Variants in SWAP70 observed in about 807,000 individuals in gnomAD.
The protein encoded by SWAP70 is switching B cell complex subunit SWAP70, also known as switch-associated protein 70.
SWAP70 carries 34 observed loss-of-function variants against 80.2 expected under a neutral mutation model. The ratio of observed to expected loss-of-function variants is 0.42; its 90% CI spans 0.32 to 0.56. The LOEUF is 0.56. SWAP70 is among the 20% of genes least tolerant of loss of function. The pLI, the probability that SWAP70 is intolerant of heterozygous loss-of-function variation, is 0.09. For missense variants in SWAP70, 578 were observed against 690.7 expected (o/e 0.84, Z 1.83); for synonymous variants, 239 against 238.5 (o/e 1.00, Z -0.02).
chr11:9,727,842 G>T (rs532720511), intron 4 of SWAP70, among the ~76,000 whole-genome samples: 1 of 152,202 alleles, frequency 6.6e-6, no homozygotes, highest in Non-Finnish European at 1.5e-5. Context: ...TCTCTGAAGT[G>T]TCTGAAATTA....
chr11:9,743,657 T>C (rs1851472207), intron 9 of SWAP70, among the ~76,000 whole-genome samples: 1 of 151,772 alleles, frequency 6.6e-6, no homozygotes, highest in Non-Finnish European at 1.5e-5. Context: ...CCAGTGATGG[T>C]GAGCATTTTT....
intron 2 of SWAP70, among the ~76,000 whole-genome samples, chr11:9,694,819 C>T (rs1174332949): frequency 6.6e-6 from 1 of 152,150 alleles, no homozygotes; most frequent in East Asian, 1.9e-4. Context: ...TAGATGCTGG[C>T]GAGGCTGTGG....
At chr11:9,728,278 C>T in intron 5 of SWAP70, 79 bp downstream of exon 5, 1 of 1,351,272 alleles carries the variant, frequency 7.4e-7, no homozygotes, top group East Asian at 2.6e-5. Flanking sequence ...CTTCTTCCAC[C>T]TAGACTCTAG....
chr11:9,697,783 T>G lies in SWAP70; in HGVS notation c.240+3497T>G, dbSNP rs892853. ...GTGTGTGTATTTCATGTGTTATACA[T>G]GTTTTTTGGTTTTTTGAGACAATGT... is the stretch of plus-strand genomic sequence containing the variant. On this transcript the variant is annotated intron_variant, in intron 2 of 11. Coordinates refer to ENST00000318950, the MANE Select transcript of SWAP70 (RefSeq NM_015055.4). 3.2e-4 allele frequency among the ~76,000 whole-genome samples: 49 copies of G among 151,970 alleles called. 1 individual carries two copies. The highest frequency in any genetic ancestry group is 5.7e-4 in the Non-Finnish European group (39 of 67,978).
intron 1 of SWAP70, among the ~76,000 whole-genome samples, chr11:9,685,836 G>C (rs1406586205): frequency 1.3e-5 from 2 of 152,136 alleles, no homozygotes; most frequent in Non-Finnish European, 2.9e-5. Flanking sequence ...GTTTCACCAT[G>C]TTGGCCAGGA....
intron 1 of SWAP70, among the ~76,000 whole-genome samples, chr11:9,684,019 T>A (rs1850600989): frequency 6.6e-6 from 1 of 152,136 alleles, no homozygotes; most frequent in African/African-American, 2.4e-5. Context: ...TTTTTAATTT[T>A]ATTTTATATA....
In SWAP70 at chr11:9,748,031, G is replaced by C; in HGVS notation, c.1529G>C (p.Arg510Pro). ...MEQLEQLELE[R>P]KQALEQYEEV... is the part of the protein sequence containing the mutation. ...CAGCTGGAGCAGCTTGAGTTAGAAC[G>C]GAAGCAAGCACTTGAGCAGTACGAG... is the stretch of plus-strand genomic sequence containing the variant. Residue 510 changes from arginine (R) to proline (P), a missense_variant, in exon 10 of 12, where the codon CGG becomes CCG. Coordinates refer to ENST00000318950, the MANE Select transcript of SWAP70 (RefSeq NM_015055.4). 6.2e-7 allele frequency: 1 copy of C among 1,614,110 alleles called. No homozygotes were observed. Among genetic ancestry groups the C allele is most frequent in the Non-Finnish European group, 8.5e-7 (1 of 1,179,976 alleles).
intron 2 of SWAP70, among the ~76,000 whole-genome samples, chr11:9,704,534 A>G (rs1467065355): frequency 1.3e-5 from 2 of 152,108 alleles, no homozygotes; most frequent in Non-Finnish European, 2.9e-5. Flanking sequence ...AGCTGAGATT[A>G]CAGGTGCGAG....
rs1851586818 is a variant in SWAP70 at position 9,751,315 on chromosome 11, A to G, written c.*1345A>G. ...TACGTCTAACAGGGAAATTGGGATC[A>G]TAGTTTATATGCATCTGATTTGAAA... On this transcript the variant is annotated 3_prime_UTR_variant, in exon 12 of 12. Transcript: ENST00000318950. 1.3e-5 allele frequency: 2 copies of G among 152,240 alleles called. No homozygotes were observed. 9.4% of individuals were successfully genotyped at this position (152,240 alleles called of 1,614,324 possible). A position where few individuals can be genotyped will look rare whatever the true frequency, so the allele number is the denominator to read the frequency against.
intron 1 of SWAP70, among the ~76,000 whole-genome samples, chr11:9,665,485 A>G (rs998979817): frequency 1.6e-4 from 24 of 152,178 alleles, no homozygotes; most frequent in East Asian, 1.9e-4. Context: ...TATAACTATC[A>G]CCACAACCAT....
chr11:9,671,993 TATAATATATAAAATATATATTTTA>T (rs1186448279), intron 1 of SWAP70, among the ~76,000 whole-genome samples: 4 of 116,996 alleles, frequency 3.4e-5, no homozygotes, highest in Admixed American at 2.1e-4. Flanking sequence ...CTATATTTTA[TATAATATATAAAATATATATTTTA>T]ATAATATATA....
intron 11 of SWAP70, 52 bp from the exon 12 acceptor site, chr11:9,749,812 G>A (rs1282721191): frequency 9.5e-6 from 11 of 1,152,464 alleles, no homozygotes; most frequent in Non-Finnish European, 1.4e-5. Context: ...AAATGATGGG[G>A]TATCCTGAAG....
intron 9 of SWAP70, among the ~76,000 whole-genome samples, chr11:9,745,066 A>G (rs58765157): frequency 0.099 from 15,046 of 152,050 alleles, 1,887 homozygotes; most frequent in East Asian, 0.28. Flanking sequence ...ACCCAGGGAA[A>G]TTTTTTTGAA....
intron 2 of SWAP70, among the ~76,000 whole-genome samples, chr11:9,703,083 A>C (rs1427494715): frequency 2.0e-5 from 3 of 151,642 alleles, no homozygotes; most frequent in Middle Eastern, 3.4e-3. Context: ...TTTAGCAATC[A>C]CTCCCTCTCC....
chr11:9,728,319 C>T (rs1325357017), intron 5 of SWAP70, 120 bp downstream of exon 5: 2 of 1,130,986 alleles, frequency 1.8e-6, no homozygotes, highest in Non-Finnish European at 2.3e-6. Flanking sequence ...ATTTACATTT[C>T]CAAAATAATA....
chr11:9,718,903 C>A (rs1851098945), intron 3 of SWAP70, among the ~76,000 whole-genome samples: 1 of 151,714 alleles, frequency 6.6e-6, no homozygotes, highest in African/African-American at 2.4e-5. Flanking sequence ...AGTTTGAGAC[C>A]AGCCTGGGCA....
At chr11:9,704,968 A>G (rs905325899) in intron 2 of SWAP70, among the ~76,000 whole-genome samples, 2 of 152,224 alleles carry the variant, frequency 1.3e-5, no homozygotes, top group African/African-American at 4.8e-5. Context: ...ACAAACAGCA[A>G]AGATGATCTG....
intron 3 of SWAP70, chr11:9,720,401 C>G: frequency 1.0e-6 from 1 of 985,352 alleles, no homozygotes; most frequent in Non-Finnish European, 1.2e-6. Flanking sequence ...CTAATAGGCG[C>G]TTTCTGAGTT....
chr11:9,664,599 C>T (rs1850286801), intron 1 of SWAP70, among the ~76,000 whole-genome samples: 1 of 152,148 alleles, frequency 6.6e-6, no homozygotes, highest in Non-Finnish European at 1.5e-5. Context: ...GAGCGGGGGG[C>T]AGAAAGTGGA....
Sources: allele counts gnomAD v4.1 joint callset (sites outside exome capture counted in the v4.1 genomes callset), GRCh38; gene constraint gnomAD v4.1.1; transcripts MANE v1.5; gene names NCBI Gene and HGNC (gene_info 2026-07-23, HGNC 2026-07-21).